Variants in CALN1 observed in about 807,000 individuals in gnomAD.
The protein encoded by CALN1 is calneuron 1, also known as calcium-binding protein 8.
Under a neutral mutation model 30.6 loss-of-function variants are expected in CALN1, and 17 were observed. That is an observed-to-expected ratio of 0.56 (90% CI 0.38 to 0.83). CALN1 has a LOEUF of 0.83. Ranked by LOEUF, CALN1 falls within the 40% of genes least tolerant of loss-of-function variation. The pLI, the probability that CALN1 is intolerant of heterozygous loss-of-function variation, is 0.00. For synonymous variants in CALN1, 156 were observed against 131.4 expected (o/e 1.19, Z -1.28); for missense variants, 291 against 354.9 (o/e 0.82, Z 1.45).
chr7:72,079,588 T>G (rs928324461), intron 4 of CALN1, among the ~76,000 whole-genome samples: 29 of 152,032 alleles, frequency 1.9e-4, no homozygotes, highest in Admixed American at 3.3e-4. Context: ...TTAATGAAGG[T>G]TAAGTGAAGA....
At position 72,207,617 on chromosome 7, in the gene CALN1, GCTTACTTT is replaced by G. The variant is rs1182592197; in HGVS notation, c.244+71061_244+71068del. 2.2e-5 allele frequency among the ~76,000 whole-genome samples: 3 copies of G among 138,950 alleles called. No homozygotes were observed. In the East Asian group the frequency reaches 1.1e-3, roughly 51 times the overall value. 91.2% of individuals were successfully genotyped at this position (138,950 alleles called of 152,430 possible). ...AGGCATGAGCCACTGCACCCATCCC[GCTTACTTT>G]CTTATATGTCTCCCCTGCCAAAAAT... is the stretch of plus-strand genomic sequence containing the variant. On this transcript the variant is annotated intron_variant, in intron 3 of 6. Coordinates refer to ENST00000395275, the MANE Select transcript of CALN1 (RefSeq NM_031468.4).
chr7:72,201,015 G>C (rs1014916827), intron 3 of CALN1, among the ~76,000 whole-genome samples: 1 of 152,146 alleles, frequency 6.6e-6, no homozygotes, highest in Non-Finnish European at 1.5e-5. Flanking sequence ...CAATAGCAAA[G>C]ACATGGAATC....
intron 3 of CALN1, among the ~76,000 whole-genome samples, chr7:72,138,273 T>G (rs142939216): frequency 1.1e-3 from 166 of 152,144 alleles, no homozygotes; most frequent in African/African-American, 3.7e-3. Flanking sequence ...GATGATCATG[T>G]ATTTTTATTT....
At chr7:72,251,695 C>T (rs951736704) in intron 3 of CALN1, among the ~76,000 whole-genome samples, 4 of 152,148 alleles carry the variant, frequency 2.6e-5, no homozygotes, top group Non-Finnish European at 5.9e-5. Flanking sequence ...GCCACCATGC[C>T]GTAGCTTATT....
chr7:72,299,920 CG>C (rs1433186492), intron 2 of CALN1, among the ~76,000 whole-genome samples: 3 of 151,706 alleles, frequency 2.0e-5, no homozygotes, highest in African/African-American at 7.3e-5. Flanking sequence ...TTTTCTGAGA[CG>C]GAGTCTTGCT....
intron 5 of CALN1, among the ~76,000 whole-genome samples, chr7:71,896,145 G>A (rs560189082): frequency 4.6e-5 from 7 of 152,080 alleles, no homozygotes; most frequent in Non-Finnish European, 1.0e-4. Context: ...AATAATATAC[G>A]CTTTAATGTT....
chr7:72,034,123 G>A (rs1483538712), intron 4 of CALN1, among the ~76,000 whole-genome samples: 1 of 151,512 alleles, frequency 6.6e-6, no homozygotes, highest in Non-Finnish European at 1.5e-5. Flanking sequence ...GGAGGCCGAG[G>A]TGGGCGTATC....
At chr7:72,212,627 C>A (rs182485297) in intron 3 of CALN1, among the ~76,000 whole-genome samples, 2 of 152,136 alleles carry the variant, frequency 1.3e-5, no homozygotes, top group East Asian at 3.9e-4. Context: ...CCAGCAGGGG[C>A]AGCAAAGCGA....
rs1010635078 is a variant in CALN1, at chr7:71,978,262, C to CTTTTT, written c.501+45390_501+45394dup. On this transcript the variant is annotated intron_variant, in intron 5 of 6. Transcript: ENST00000395275. ...AAAAACTCAGGGACTCTAGAGAATT[C>CTTTTT]TTTTTTTTTTTTTTTTTTTTTTTTT... 2.9e-3 allele frequency among the ~76,000 whole-genome samples: 214 copies of CTTTTT among 72,912 alleles called. 11 individuals carry two copies. Among genetic ancestry groups the CTTTTT allele is most frequent in the African/African-American group, 5.2e-3 (92 of 17,630 alleles). The allele number at this position is 72,912 out of a possible 152,430, so 47.8% of individuals were successfully genotyped here.
chr7:71,868,814 T>C (rs144812906), intron 5 of CALN1, among the ~76,000 whole-genome samples: 1 of 152,238 alleles, frequency 6.6e-6, no homozygotes, highest in Non-Finnish European at 1.5e-5. Context: ...AAACCATATC[T>C]GGGAAGGATC....
chr7:72,234,634 T>C (rs979378225), intron 3 of CALN1, among the ~76,000 whole-genome samples: 4 of 152,010 alleles, frequency 2.6e-5, no homozygotes, highest in Non-Finnish European at 5.9e-5. Context: ...TTAGTAGAGA[T>C]GGGGTTTTAC....
the CALN1 span, among the ~76,000 whole-genome samples, chr7:72,464,328 G>T: frequency 1.3e-5 from 2 of 152,060 alleles, no homozygotes; most frequent in Non-Finnish European, 2.9e-5. Context: ...AGAGAAAAGG[G>T]TTTCTCCCTT....
chr7:71,826,586 C>T (rs1471336759), intron 5 of CALN1, among the ~76,000 whole-genome samples: 4 of 152,198 alleles, frequency 2.6e-5, no homozygotes, highest in Non-Finnish European at 5.9e-5. Context: ...CCTCCCTCCA[C>T]TCCTCTTCAA....
rs1015473780 is a variant in CALN1 at position 72,368,814 on chromosome 7, T to G, written c.119+34437A>C. On this transcript the variant is annotated intron_variant, in intron 2 of 6. Coordinates refer to ENST00000395275, the MANE Select transcript of CALN1 (RefSeq NM_031468.4). Reference sequence around the variant, plus strand: ...ACAGAGAATGGTTTGAAACCCTTTTTTTTTTTTTTTTTTTTTTTGAGACAG... The same window carrying G: ...ACAGAGAATGGTTTGAAACCCTTTTGTTTTTTTTTTTTTTTTTTGAGACAG... Among the ~76,000 whole-genome samples the G allele has an allele frequency of 1.3e-3, 180 of 141,892 alleles. 2 individuals carry two copies. The highest frequency in any genetic ancestry group is 7.5e-4 in the Non-Finnish European group (49 of 65,688). The allele number at this position is 141,892 out of a possible 152,430, so 93.1% of individuals were successfully genotyped here.
intron 4 of CALN1, among the ~76,000 whole-genome samples, chr7:72,103,767 G>C (rs1289686729): frequency 6.6e-6 from 1 of 152,066 alleles, no homozygotes; most frequent in African/African-American, 2.4e-5. Flanking sequence ...ATGGAGGGGG[G>C]GGGAAGGAGG....
At chr7:71,860,733 C>A (rs1054771327) in intron 5 of CALN1, among the ~76,000 whole-genome samples, 1 of 152,120 alleles carries the variant, frequency 6.6e-6, no homozygotes, top group Admixed American at 6.6e-5. Context: ...AGGCCACGTA[C>A]CACTGCCAGG....
intron 5 of CALN1, among the ~76,000 whole-genome samples, chr7:72,009,344 C>G (rs568860944): frequency 7.2e-5 from 11 of 152,206 alleles, no homozygotes; most frequent in Non-Finnish European, 1.3e-4. Flanking sequence ...AATGGCAAAT[C>G]AAATTCAAAA....
intron 5 of CALN1, among the ~76,000 whole-genome samples, chr7:71,834,466 G>C (rs1450259685): frequency 6.6e-6 from 1 of 151,772 alleles, no homozygotes; most frequent in Admixed American, 6.6e-5. Flanking sequence ...GCAAGGTAAG[G>C]AATGTGTCCC....
chr7:71,791,776 G>A (rs1237249036), intron 6 of CALN1, among the ~76,000 whole-genome samples: 1 of 152,176 alleles, frequency 6.6e-6, no homozygotes, highest in Non-Finnish European at 1.5e-5. Context: ...TTGGGAGGCC[G>A]AGGCGGGCGG....
Sources: gnomAD v4.1 joint callset for allele counts (sites outside exome capture counted in the v4.1 genomes callset) on GRCh38, gnomAD v4.1.1 for gene constraint, MANE v1.5 for transcripts, NCBI Gene and HGNC (gene_info 2026-07-23, HGNC 2026-07-21) for gene names.